Variants in GRIA3 observed in about 807,000 individuals in gnomAD.
GRIA3 encodes glutamate ionotropic receptor AMPA type subunit 3.
Under a neutral mutation model 63.0 loss-of-function variants are expected in GRIA3, and 3 were observed. That is an observed-to-expected ratio of 0.05 (90% confidence interval 0.02 to 0.12). GRIA3 has a LOEUF of 0.12. GRIA3 is among the 10% of genes least tolerant of loss of function. GRIA3 has a pLI of 1.00. For synonymous variants in GRIA3, 274 were observed against 257.9 expected, an observed-to-expected ratio of 1.06 and a Z score of -0.60; for missense variants, 347 against 700.9, an observed-to-expected ratio of 0.50 and a Z score of 5.70.
chrX:123,326,281 C>A, intron 4 of GRIA3, 68 bp downstream of exon 4: 1 of 890,348 alleles, frequency 1.1e-6, no homozygotes, highest in Non-Finnish European at 1.6e-6. Context: ...GCTCCCATAT[C>A]TGCTAATAAA....
chrX:123,275,381 C>A (rs760271860), intron 3 of GRIA3, among the ~76,000 whole-genome samples: 1 of 112,102 alleles, frequency 8.9e-6, no homozygotes, highest in East Asian at 2.8e-4. Context: ...CTTAGGCAGT[C>A]AGGGGCCAAG....
At chrX:123,353,058 C>CACAA (rs1556300864) in intron 4 of GRIA3, among the ~76,000 whole-genome samples, 1 of 89,658 alleles carries the variant, frequency 1.1e-5, no homozygotes, top group African/African-American at 3.7e-5. Context: ...CACACACAAA[C>CACAA]ACACACACAC....
intron 11 of GRIA3, among the ~76,000 whole-genome samples, chrX:123,426,573 C>G (rs141826423): frequency 0.012 from 1,324 of 112,005 alleles, 16 homozygotes; most frequent in African/African-American, 0.041. Context: ...GCAGGCAGAA[C>G]TGAGAATCAC....
rs758243252 is a variant in GRIA3, at chrX:123,332,828, T to G, written c.696+6615T>G. ...CCACAACTTACCCTGAAGCACTAAG[T>G]CTGATCAGACTCTTCAATGCTAGAG... On this transcript the variant is annotated intron_variant, in intron 4 of 15. Transcript: ENST00000620443. 6.3e-5 allele frequency among the ~76,000 whole-genome samples: 7 copies of G among 111,767 alleles called. 1 individual carries two copies. The highest frequency in any genetic ancestry group is 7.5e-5 in the Non-Finnish European group (4 of 53,042).
At chrX:123,191,738 A>G (rs1031282676) in intron 2 of GRIA3, among the ~76,000 whole-genome samples, 2 of 110,787 alleles carry the variant, frequency 1.8e-5, no homozygotes, top group African/African-American at 6.6e-5. Context: ...CTTCTCCACC[A>G]GAATACCTTT....
intron 12 of GRIA3, among the ~76,000 whole-genome samples, chrX:123,436,213 A>G (rs1158466114): frequency 8.9e-6 from 1 of 111,847 alleles, no homozygotes; most frequent in Non-Finnish European, 1.9e-5. Context: ...AAGACTCTCC[A>G]GACACAGTTC....
intron 15 of GRIA3, 136 bp from the exon 16 acceptor site, chrX:123,488,577 T>C (rs1239351318): frequency 1.8e-5 from 2 of 112,346 alleles, no homozygotes; most frequent in Non-Finnish European, 3.8e-5. Flanking sequence ...GCCAGTCAAA[T>C]AAATGAGGTG....
chrX:123,284,352 A>T (rs187773209), intron 3 of GRIA3, among the ~76,000 whole-genome samples: 1 of 111,888 alleles, frequency 8.9e-6, no homozygotes, highest in East Asian at 2.8e-4. Flanking sequence ...ACTCCAAAGG[A>T]TCACAACTCC....
At chrX:123,411,940 G>C (rs900036931) in intron 10 of GRIA3, among the ~76,000 whole-genome samples, 3 of 110,894 alleles carry the variant, frequency 2.7e-5, no homozygotes, top group African/African-American at 9.8e-5. Context: ...GAGTGATTCA[G>C]GACACCCCAA....
chrX:123,366,357 C>T (rs769820247), intron 5 of GRIA3, among the ~76,000 whole-genome samples: 1 of 111,123 alleles, frequency 9.0e-6, no homozygotes, highest in East Asian at 2.8e-4. Context: ...GGTTCTCCTT[C>T]GTAGAAGGAT....
rs1039086287 is a variant in GRIA3, at chrX:123,204,774, C to T, written c.268+18784C>T. ...AGAATTAACTTTTCTTAATGCACTT[C>T]CAGTTGATTATTATTATGAATGTCA... On this transcript the variant is annotated intron_variant, in intron 2 of 15. Coordinates refer to ENST00000620443, the MANE Select transcript of GRIA3 (RefSeq NM_007325.5). 5 of 396,107 alleles carry T rather than the reference C, an allele frequency of 1.3e-5. No homozygotes were observed. In the African/African-American group the frequency reaches 1.3e-4, roughly 10 times the overall value. The allele number at this position is 396,107 out of a possible 1,213,427, so 32.6% of individuals were successfully genotyped here. A position where few individuals can be genotyped will look rare whatever the true frequency, so the allele number is the denominator to read the frequency against.
chrX:123,325,562 CT>C (rs1182439435), intron 3 of GRIA3, among the ~76,000 whole-genome samples: 1 of 111,243 alleles, frequency 9.0e-6, no homozygotes, highest in Admixed American at 9.6e-5. Flanking sequence ...CATAATTTAC[CT>C]TGTTGGATAG....
Position 123,219,107 on chromosome X carries a change from G to T in GRIA3, c.268+33117G>T, listed in dbSNP as rs141348505. On this transcript the variant is annotated intron_variant, in intron 2 of 15. Coordinates refer to ENST00000620443, the MANE Select transcript of GRIA3 (RefSeq NM_007325.5). ...TTTACCCTGAACATAGCACAGAGGA[G>T]GTGCCTTGGCTGTTTAGAGGATGGA... Among the ~76,000 whole-genome samples, 995 of 111,849 alleles carry T rather than the reference G, an allele frequency of 8.9e-3. 42 individuals are homozygous for T. The highest frequency in any genetic ancestry group is 0.086 in the Admixed American group (908 of 10,552).
intron 2 of GRIA3, among the ~76,000 whole-genome samples, chrX:123,206,519 T>G (rs1927891736): frequency 8.9e-6 from 1 of 112,188 alleles, no homozygotes; most frequent in Non-Finnish European, 1.9e-5. Context: ...AAGAACGCAG[T>G]GCCAATGTCT....
At chrX:123,457,083 G>C (rs771907504) in intron 12 of GRIA3, among the ~76,000 whole-genome samples, 1 of 111,900 alleles carries the variant, frequency 8.9e-6, no homozygotes, top group African/African-American at 3.2e-5. Context: ...ACAGCAAAAT[G>C]AGTGAGGAAA....
intron 4 of GRIA3, among the ~76,000 whole-genome samples, chrX:123,347,232 G>A (rs754755471): frequency 5.4e-5 from 6 of 111,743 alleles, no homozygotes; most frequent in Middle Eastern, 4.6e-3. Context: ...TAGCAGGAGC[G>A]AAAGACCAAA....
chrX:123,392,163 G>C (rs1407420576), intron 5 of GRIA3, among the ~76,000 whole-genome samples: 1 of 112,203 alleles, frequency 8.9e-6, no homozygotes, highest in Non-Finnish European at 1.9e-5. Context: ...AGGTAGCTTG[G>C]GAGCATGTGC....
intron 13 of GRIA3, among the ~76,000 whole-genome samples, chrX:123,473,485 A>T (rs778744865): frequency 8.9e-6 from 1 of 111,957 alleles, no homozygotes; most frequent in Non-Finnish European, 1.9e-5. Flanking sequence ...CTGCCTGTAC[A>T]TGCCTGTTAT....
intron 3 of GRIA3, among the ~76,000 whole-genome samples, chrX:123,324,022 C>T (rs2044884712): frequency 8.9e-6 from 1 of 111,776 alleles, no homozygotes. Flanking sequence ...GAGAGAGCAA[C>T]AGTGAGGGAA....
Sources: allele counts gnomAD v4.1 joint callset (sites outside exome capture counted in the v4.1 genomes callset), GRCh38; gene constraint gnomAD v4.1.1; transcripts MANE v1.5; gene names NCBI Gene and HGNC (gene_info 2026-07-23, HGNC 2026-07-21).